The following THSD7A variants were observed in gnomAD, a reference collection of about 807,000 sequenced individuals.
The protein encoded by THSD7A is thrombospondin type 1 domain containing 7A.
A neutral mutation model predicts 231.3 loss-of-function variants in THSD7A; 96 were observed. That is an observed-to-expected ratio of 0.41 (90% CI 0.35 to 0.49). The LOEUF is 0.49. Ranked by LOEUF, THSD7A falls within the 20% of genes least tolerant of loss-of-function variation. The pLI is 0.05. For synonymous variants in THSD7A, 940 were observed against 743.3 expected, an observed-to-expected ratio of 1.26 and a Z score of -4.30; for missense variants, 2,290 against 2,070.2, an observed-to-expected ratio of 1.11 and a Z score of -2.06.
chr7:11,623,670 T>C (rs1357550626), intron 2 of THSD7A, among the ~76,000 whole-genome samples: 1 of 152,096 alleles, frequency 6.6e-6, no homozygotes, highest in Non-Finnish European at 1.5e-5. Flanking sequence ...CTCACTCATC[T>C]CTCCCTCTTC....
chr7:11,443,816 C>T (rs915190096), intron 13 of THSD7A, among the ~76,000 whole-genome samples: 1 of 151,966 alleles, frequency 6.6e-6, no homozygotes, highest in Admixed American at 6.6e-5. Context: ...ATCAGGATAA[C>T]TGAGATGACC....
At chr7:11,445,809 C>T (rs946348588) in intron 13 of THSD7A, among the ~76,000 whole-genome samples, 12 of 151,842 alleles carry the variant, frequency 7.9e-5, no homozygotes, top group African/African-American at 2.9e-4. Context: ...TTTTGCCTAC[C>T]CTTTGCAAGA....
chr7:11,568,994 A>AAC (rs1018041698), intron 4 of THSD7A, among the ~76,000 whole-genome samples: 10 of 140,660 alleles, frequency 7.1e-5, no homozygotes, highest in African/African-American at 2.6e-4. Flanking sequence ...TACAAAAAAA[A>AAC]AAACAAACCC....
chr7:11,817,534 A>G (rs1247122269), intron 1 of THSD7A, among the ~76,000 whole-genome samples: 3 of 152,194 alleles, frequency 2.0e-5, no homozygotes, highest in Non-Finnish European at 4.4e-5. Context: ...TGACATTCAT[A>G]TGCAGATCCA....
chr7:11,502,255 TAGG>T (rs1244770454), intron 6 of THSD7A, among the ~76,000 whole-genome samples: 1 of 152,146 alleles, frequency 6.6e-6, no homozygotes, highest in Non-Finnish European at 1.5e-5. Flanking sequence ...CCAAAAGGAT[TAGG>T]AGGAGGGACT....
At chr7:11,828,720 CATAG>C (rs3037777) in intron 1 of THSD7A, among the ~76,000 whole-genome samples, 18 of 151,440 alleles carry the variant, frequency 1.2e-4, no homozygotes, top group South Asian at 4.2e-4. Context: ...TAATAAAGCA[CATAG>C]ATAGATAGAT....
rs552479363 is a variant in THSD7A, at chr7:11,460,517, TC to T, written c.2605+144del. ...CAATTTAAAAAGACATGTTTCTATG[TC>T]CTGATGTTTTGTGGAATGGCTCATA... On this transcript the variant is annotated intron_variant, in intron 11 of 27. Transcript: ENST00000423059. 1.9e-3 allele frequency: 1,053 copies of T among 540,798 alleles called. 5 individuals are homozygous for T. The highest frequency in any genetic ancestry group is 0.016 in the African/African-American group (832 of 51,148). The allele number at this position is 540,798 out of a possible 1,614,324, so 33.5% of individuals were successfully genotyped here.
intron 1 of THSD7A, among the ~76,000 whole-genome samples, chr7:11,720,221 C>A (rs1270412651): frequency 1.3e-5 from 2 of 151,788 alleles, no homozygotes; most frequent in Admixed American, 1.3e-4. Flanking sequence ...ACTGTCAAAC[C>A]ATTTCCACAA....
At chr7:11,504,224 C>A (rs1787454928) in intron 6 of THSD7A, among the ~76,000 whole-genome samples, 1 of 152,036 alleles carries the variant, frequency 6.6e-6, no homozygotes, top group Admixed American at 6.6e-5. Flanking sequence ...AAATCAAATA[C>A]CACATGCTTT....
chr7:11,817,521 G>A (rs1784743515), intron 1 of THSD7A, among the ~76,000 whole-genome samples: 1 of 152,186 alleles, frequency 6.6e-6, no homozygotes, highest in African/African-American at 2.4e-5. Flanking sequence ...ATGCAGAGAA[G>A]CTTGACATTC....
At chr7:11,817,823 A>T (rs368847570) in intron 1 of THSD7A, among the ~76,000 whole-genome samples, 114 of 152,316 alleles carry the variant, frequency 7.5e-4, no homozygotes, top group African/African-American at 2.7e-3. Flanking sequence ...TAACAAAATT[A>T]GGTCAAAATT....
intron 1 of THSD7A, among the ~76,000 whole-genome samples, chr7:11,782,753 G>A (rs1471488502): frequency 1.3e-5 from 2 of 152,070 alleles, no homozygotes; most frequent in Admixed American, 6.5e-5. Context: ...ATTTCACTGT[G>A]GCACCGTTGG....
intron 1 of THSD7A, among the ~76,000 whole-genome samples, chr7:11,681,589 T>G (rs60145979): frequency 0.092 from 14,023 of 151,670 alleles, 2,209 homozygotes; most frequent in African/African-American, 0.32. Flanking sequence ...GAAGACAAAA[T>G]TTTCTGAGAA....
chr7:11,382,318 G>T (rs1782549831), intron 24 of THSD7A, among the ~76,000 whole-genome samples: 1 of 152,114 alleles, frequency 6.6e-6, no homozygotes, highest in South Asian at 2.1e-4. Flanking sequence ...AAAAAGGCTA[G>T]GTGAGAGATA....
In THSD7A at chr7:11,781,027, A is replaced by T. The variant is rs1439530706; in HGVS notation, c.190+50730T>A. Among the ~76,000 whole-genome samples, 45 of 138,080 alleles carry T rather than the reference A, an allele frequency of 3.3e-4. 1 individual carries two copies. The highest frequency in any genetic ancestry group is 1.2e-3 in the African/African-American group (42 of 36,488). 90.6% of individuals were successfully genotyped at this position (138,080 alleles called of 152,430 possible). On this transcript the variant is annotated intron_variant, in intron 1 of 27. Coordinates refer to ENST00000423059, the MANE Select transcript of THSD7A (RefSeq NM_015204.3). ...AAAAAAAAAAAAAAAAAAAAAAAAA[A>T]AAAAAAAAAAATTTATAGGGAGAAT...
At chr7:11,689,894 C>T (rs1780181791) in intron 1 of THSD7A, among the ~76,000 whole-genome samples, 1 of 150,456 alleles carries the variant, frequency 6.6e-6, no homozygotes, top group South Asian at 2.1e-4. Flanking sequence ...TGTATCTGCC[C>T]ACATTAAATT....
At chr7:11,561,703 C>T (rs1378740246) in intron 4 of THSD7A, among the ~76,000 whole-genome samples, 2 of 152,124 alleles carry the variant, frequency 1.3e-5, no homozygotes, top group Non-Finnish European at 2.9e-5. Context: ...AACCCCAACT[C>T]TACTAAAAAT....
At chr7:11,521,488 A>G (rs1347547735) in intron 6 of THSD7A, among the ~76,000 whole-genome samples, 1 of 126,066 alleles carries the variant, frequency 7.9e-6, no homozygotes, top group Admixed American at 7.8e-5. Flanking sequence ...TTATTTATTT[A>G]TTTATTTATT....
chr7:11,412,529 T>C, intron 18 of THSD7A, 127 bp downstream of exon 18: 1 of 1,104,876 alleles, frequency 9.1e-7, no homozygotes, highest in East Asian at 2.5e-5. Flanking sequence ...TGTAATTATT[T>C]CTGGGAAAGT....
Sources: gnomAD v4.1 joint callset for allele counts (sites outside exome capture counted in the v4.1 genomes callset) on GRCh38, gnomAD v4.1.1 for gene constraint, MANE v1.5 for transcripts, NCBI Gene and HGNC (gene_info 2026-07-23, HGNC 2026-07-21) for gene names.